The following THOC7 variants were observed in gnomAD, a reference collection of about 807,000 sequenced individuals.
THOC7 encodes the protein THO complex subunit 7.
Under a neutral mutation model 33.1 loss-of-function variants are expected in THOC7, and 22 were observed. The ratio of observed to expected loss-of-function variants is 0.66; its 90% CI spans 0.47 to 0.95. The LOEUF (loss-of-function observed/expected upper bound fraction) is 0.95, where lower values mean the gene tolerates loss of function less well. THOC7 is among the 40% of genes least tolerant of loss of function. The probability of loss-of-function intolerance (pLI) is 0.00; values close to 1 mark genes in which losing one functional copy is unlikely to be tolerated. For synonymous variants in THOC7, 77 were observed against 76.8 expected, an observed-to-expected ratio of 1.00 and a Z score of -0.01; for missense variants, 184 against 245.3, an observed-to-expected ratio of 0.75 and a Z score of 1.67.
chr3:63,843,349 C>T (rs773748496), intron 1 of THOC7, among the ~76,000 whole-genome samples: 22 of 151,364 alleles, frequency 1.5e-4, no homozygotes, highest in Non-Finnish European at 3.1e-4. Context: ...AACTTCTGAC[C>T]TCAAATGATC....
Position 63,838,013 on chromosome 3 carries a change from T to C in THOC7, c.315A>G (p.Gln105=). The C allele has an allele frequency of 6.2e-7, 1 of 1,609,822 alleles. No individual in the cohort carries two copies. Among genetic ancestry groups the C allele is most frequent in the Non-Finnish European group, 8.5e-7 (1 of 1,178,404 alleles). Residue 105 remains glutamine, a synonymous_variant, in exon 4 of 8, where the codon CAA becomes CAG. Transcript: ENST00000295899. ...AHEKIAECKK[Q]ILQAKRIRKN... is the part of the protein sequence containing the mutation. ...TTCGTATTCGTTTTGCTTGAAGAATTTGCTTTTTGCACTCAGCAATTTTTT... is the reference window on the plus strand; with the variant it reads ...TTCGTATTCGTTTTGCTTGAAGAATCTGCTTTTTGCACTCAGCAATTTTTT...
At chr3:63,852,807 C>A (rs971580985) in intron 1 of THOC7, among the ~76,000 whole-genome samples, 6 of 152,170 alleles carry the variant, frequency 3.9e-5, no homozygotes, top group Admixed American at 1.3e-4. Context: ...GCTACCAAAG[C>A]ATACACAGTT....
At chr3:63,836,821 A>T (rs775257386) in intron 4 of THOC7, among the ~76,000 whole-genome samples, 11 of 152,014 alleles carry the variant, frequency 7.2e-5, no homozygotes, top group Non-Finnish European at 1.0e-4. Context: ...CTTGCAAATA[A>T]CTTAAAATTC....
intron 1 of THOC7, among the ~76,000 whole-genome samples, chr3:63,852,138 C>T (rs1198485446): frequency 1.3e-5 from 2 of 152,216 alleles, no homozygotes; most frequent in Non-Finnish European, 2.9e-5. Flanking sequence ...GTAGCATCTA[C>T]ATGACGCTAA....
At chr3:63,851,149 T>C (rs1336976615) in intron 1 of THOC7, among the ~76,000 whole-genome samples, 4 of 152,194 alleles carry the variant, frequency 2.6e-5, no homozygotes, top group African/African-American at 9.7e-5. Context: ...GTGTACTGTA[T>C]CTTCTCAAAA....
At chr3:63,837,569 T>G (rs754893044) in intron 4 of THOC7, among the ~76,000 whole-genome samples, 2 of 151,974 alleles carry the variant, frequency 1.3e-5, no homozygotes, top group African/African-American at 4.8e-5. Flanking sequence ...TCTTTTCCAT[T>G]TCATTTTTTG....
chr3:63,843,505 G>A (rs1701813973), intron 1 of THOC7, among the ~76,000 whole-genome samples: 1 of 152,168 alleles, frequency 6.6e-6, no homozygotes, highest in African/African-American at 2.4e-5. Context: ...AATAAAATCA[G>A]TATGTCAAAG....
At chr3:63,857,900 A>T (rs1344928868) in intron 1 of THOC7, among the ~76,000 whole-genome samples, 1 of 152,244 alleles carries the variant, frequency 6.6e-6, no homozygotes, top group Non-Finnish European at 1.5e-5. Context: ...CTTGCTTTGA[A>T]AAACCAATTA....
In THOC7 at chr3:63,834,120, C is replaced by T. The variant is rs1380112970; in HGVS notation, c.*12G>A. Reference sequence around the variant, plus strand: ...TTTCAATATTCCTGGGAGTGGTGGGCAATTAGCCTGTCTATGGCTTAGGAT... The same window carrying T: ...TTTCAATATTCCTGGGAGTGGTGGGTAATTAGCCTGTCTATGGCTTAGGAT... On this transcript the variant is annotated 3_prime_UTR_variant, in exon 8 of 8. Transcript: ENST00000295899. 1.2e-6 allele frequency: 2 copies of T among 1,613,554 alleles called. No individual in the cohort carries two copies. Among genetic ancestry groups the T allele is most frequent in the South Asian group, 2.2e-5 (2 of 91,022 alleles).
intron 1 of THOC7, among the ~76,000 whole-genome samples, chr3:63,854,241 C>G (rs556680712): frequency 6.6e-6 from 1 of 152,176 alleles, no homozygotes; most frequent in Non-Finnish European, 1.5e-5. Context: ...TGAGAATAGC[C>G]TCTGTTCTTT....
intron 1 of THOC7, among the ~76,000 whole-genome samples, chr3:63,852,637 G>A (rs1045848570): frequency 1.3e-5 from 2 of 152,138 alleles, no homozygotes; most frequent in African/African-American, 4.8e-5. Flanking sequence ...AAGCAGTTGG[G>A]AGTCAGATTT....
chr3:63,842,331 T>C (rs905062225), intron 1 of THOC7, among the ~76,000 whole-genome samples: 3 of 151,988 alleles, frequency 2.0e-5, no homozygotes, highest in Non-Finnish European at 4.4e-5. Flanking sequence ...GGTGAGGATG[T>C]GGAGAAAGCA....
chr3:63,861,987 C>A (rs537445722), intron 1 of THOC7, among the ~76,000 whole-genome samples: 28 of 152,180 alleles, frequency 1.8e-4, no homozygotes, highest in Non-Finnish European at 2.6e-4. Context: ...CATGGGGTCT[C>A]ACTATGTTTT....
At chr3:63,856,951 C>T (rs1702126776) in intron 1 of THOC7, among the ~76,000 whole-genome samples, 1 of 152,184 alleles carries the variant, frequency 6.6e-6, no homozygotes, top group Non-Finnish European at 1.5e-5. Flanking sequence ...AACGCCTGAC[C>T]TCGTGACCTA....
At chr3:63,847,484 T>C (rs1701923202) in intron 1 of THOC7, among the ~76,000 whole-genome samples, 1 of 152,214 alleles carries the variant, frequency 6.6e-6, no homozygotes, top group Admixed American at 6.5e-5. Context: ...ACGCCTGTAA[T>C]CCCAGCACTT....
intron 1 of THOC7, among the ~76,000 whole-genome samples, chr3:63,852,376 G>A (rs1450751892): frequency 6.6e-6 from 1 of 152,150 alleles, no homozygotes; most frequent in African/African-American, 2.4e-5. Flanking sequence ...GGGGTGGATG[G>A]GGAACAGACT....
At chr3:63,853,406 C>T (rs546439021) in intron 1 of THOC7, among the ~76,000 whole-genome samples, 2 of 152,060 alleles carry the variant, frequency 1.3e-5, no homozygotes, top group African/African-American at 4.8e-5. Context: ...AAAAACGAAA[C>T]AAAACAAAAA....
At chr3:63,842,160 G>A (rs1362115036) in intron 1 of THOC7, among the ~76,000 whole-genome samples, 1 of 152,126 alleles carries the variant, frequency 6.6e-6, no homozygotes, top group East Asian at 1.9e-4. Flanking sequence ...GAAATGACCT[G>A]AATAGACACT....
rs1413826790 is a variant in THOC7 at position 63,839,636 on chromosome 3, C to T, written c.137+20G>A. On this transcript the variant is annotated intron_variant, in intron 2 of 7. Coordinates refer to ENST00000295899, the MANE Select transcript of THOC7 (RefSeq NM_025075.4). ...TCACATTAGGACACTGGTATGGAAACAACAGTGAAAATGAAATACCCCTCT... is the reference window on the plus strand; with the variant it reads ...TCACATTAGGACACTGGTATGGAAATAACAGTGAAAATGAAATACCCCTCT... 1.3e-6 allele frequency: 2 copies of T among 1,594,346 alleles called. No homozygotes were observed. Among genetic ancestry groups the T allele is most frequent in the Non-Finnish European group, 8.6e-7 (1 of 1,164,028 alleles).
Sources: allele counts gnomAD v4.1 joint callset (sites outside exome capture counted in the v4.1 genomes callset), GRCh38; gene constraint gnomAD v4.1.1; transcripts MANE v1.5; gene names NCBI Gene and HGNC (gene_info 2026-07-23, HGNC 2026-07-21).